Variants in ZDHHC19 observed in about 807,000 individuals in gnomAD.
ZDHHC19 encodes zDHHC palmitoyltransferase 19.
A neutral mutation model predicts 33.9 loss-of-function variants in ZDHHC19; 30 were observed. The ratio of observed to expected loss-of-function variants is 0.88; its 90% CI spans 0.66 to 1.20. ZDHHC19 has a LOEUF of 1.20. ZDHHC19 is among the 50% of genes most tolerant of loss of function. ZDHHC19 has a pLI of 0.00. For synonymous variants in ZDHHC19, 178 were observed against 167.6 expected, an observed-to-expected ratio of 1.06 and a Z score of -0.48; for missense variants, 364 against 401.1, an observed-to-expected ratio of 0.91 and a Z score of 0.79.
chr3:196,198,883 G>A lies in ZDHHC19; in HGVS notation c.688-9C>T. 1 of 1,613,450 alleles carries A rather than the reference G, an allele frequency of 6.2e-7. No individual in the cohort carries two copies. Among genetic ancestry groups the A allele is most frequent in the Non-Finnish European group, 8.5e-7 (1 of 1,179,570 alleles). On this transcript the variant is annotated splice_polypyrimidine_tract_variant and intron_variant, in intron 5 of 7. Coordinates refer to ENST00000296326, the MANE Select transcript of ZDHHC19 (RefSeq NM_001039617.2). Reference sequence around the variant, plus strand: ...CCCTGAAGGTGTCTGCACTGGTCGGGGATGGAAACCGGAAGAGGAGCTCAG... The same window carrying A: ...CCCTGAAGGTGTCTGCACTGGTCGGAGATGGAAACCGGAAGAGGAGCTCAG...
At chr3:196,208,349 T>C (rs1722948757) in intron 4 of ZDHHC19, 39 bp downstream of exon 4, 1 of 1,584,974 alleles carries the variant, frequency 6.3e-7, no homozygotes, top group African/African-American at 1.4e-5. Flanking sequence ...TCCTTGGCTG[T>C]CCCCGCCTCC....
chr3:196,210,505 AG>A, intron 2 of ZDHHC19, 110 bp downstream of exon 2: 1 of 1,390,730 alleles, frequency 7.2e-7, no homozygotes, highest in Non-Finnish European at 9.9e-7. Context: ...CGTGGGGTGA[AG>A]GGGTCCAGAG....
intron 5 of ZDHHC19, among the ~76,000 whole-genome samples, chr3:196,200,502 T>C (rs375716559): frequency 0.023 from 3,488 of 148,582 alleles, 129 homozygotes; most frequent in African/African-American, 0.057. Context: ...TTACAGGTGC[T>C]CGCCACCACG....
At chr3:196,211,073 C>T in intron 1 of ZDHHC19, 97 bp downstream of exon 1, 1 of 1,580,794 alleles carries the variant, frequency 6.3e-7, no homozygotes, top group Admixed American at 1.8e-5. Flanking sequence ...CTGACCTCTC[C>T]CCCGGTCTTC....
chr3:196,210,306 G>GAAAGA (rs1723142996), intron 2 of ZDHHC19, among the ~76,000 whole-genome samples: 3 of 135,624 alleles, frequency 2.2e-5, no homozygotes, highest in African/African-American at 8.8e-5. Flanking sequence ...AGGAAAGAGA[G>GAAAGA]AGGAAGAAAG....
intron 5 of ZDHHC19, among the ~76,000 whole-genome samples, chr3:196,202,089 T>C (rs760716971): frequency 1.1e-4 from 16 of 152,124 alleles, no homozygotes; most frequent in Non-Finnish European, 1.6e-4. Context: ...GAGGCCAAGA[T>C]GGGTGGAGCA....
chr3:196,209,344 G>C, intron 3 of ZDHHC19, 32 bp downstream of exon 3: 1 of 1,570,418 alleles, frequency 6.4e-7, no homozygotes, highest in Non-Finnish European at 8.6e-7. Context: ...GATGTGGGGC[G>C]ATGGCTGGTG....
At position 196,211,186 on chromosome 3, in the gene ZDHHC19, G is replaced by A. The variant is rs994241869; in HGVS notation, c.130C>T (p.Leu44Phe). The A allele has an allele frequency of 1.2e-6, 2 of 1,614,070 alleles. No individual in the cohort carries two copies. The highest frequency in any genetic ancestry group is 2.7e-5 in the African/African-American group (2 of 74,920). Residue 44 changes from leucine (L) to phenylalanine (F), a missense_variant, in exon 1 of 8, where the codon CTC becomes TTC. Physicochemically the swap from Leu to Phe is conservative, Grantham distance 22. Transcript: ENST00000296326. ...NVVLLVFFSG[L>F]FFAFPCRWLA... The stretch of plus-strand genomic sequence containing the variant: ...AAAACTCACGGGAATGCGAAGAAGA[G>A]GCCACTGAAAAAGACCAGCAGCACC...
intron 2 of ZDHHC19, among the ~76,000 whole-genome samples, chr3:196,209,880 C>T (rs912159431): frequency 2.0e-5 from 3 of 152,180 alleles, no homozygotes; most frequent in Non-Finnish European, 4.4e-5. Flanking sequence ...TCTGTTTTTC[C>T]ACACCTTGGT....
rs375505401 is a variant in ZDHHC19, at chr3:196,210,363, G to A, written c.268+253C>T. On this transcript the variant is annotated intron_variant, in intron 2 of 7. Transcript: ENST00000296326. ...AAAGAAAAGAGAAAGAAAGAAAGAA[G>A]GAAGGAAGGAAAGAGAGAGGAAGGA... Among the ~76,000 whole-genome samples, 665 of 48,246 alleles carry A rather than the reference G, an allele frequency of 0.014. 22 individuals carry two copies. In the South Asian group the frequency reaches 0.15, roughly 11 times the overall value. The allele number at this position is 48,246 out of a possible 152,430, so 31.7% of individuals were successfully genotyped here.
chr3:196,200,561 A>C (rs372115549), intron 5 of ZDHHC19, among the ~76,000 whole-genome samples: 2 of 148,646 alleles, frequency 1.3e-5, no homozygotes, highest in South Asian at 2.1e-4. Flanking sequence ...TCACCGTGTT[A>C]GCCAGGATGG....
Position 196,211,151 on chromosome 3 carries a change from GCTT to G in ZDHHC19, c.146+16_146+18del. The G allele has an allele frequency of 6.2e-7, 1 of 1,614,084 alleles. No individual in the cohort carries two copies. Among genetic ancestry groups the G allele is most frequent in the Non-Finnish European group, 8.5e-7 (1 of 1,180,010 alleles). ...CTGTCTCTTTGTGGGAAACCTAACG[GCTT>G]GCCTGGAAAACTCACGGGAATGCGA... On this transcript the variant is annotated intron_variant, in intron 1 of 7. Coordinates refer to ENST00000296326, the MANE Select transcript of ZDHHC19 (RefSeq NM_001039617.2).
At chr3:196,210,346 G>GAAAAGAGAA (rs1553821874) in intron 2 of ZDHHC19, among the ~76,000 whole-genome samples, 4 of 78,034 alleles carry the variant, frequency 5.1e-5, no homozygotes, top group African/African-American at 1.5e-4. Flanking sequence ...AGAAAGAAAA[G>GAAAAGAGAA]AGAAAGAAAG....
At chr3:196,204,010 C>T (rs1036757321) in intron 5 of ZDHHC19, among the ~76,000 whole-genome samples, 3 of 152,144 alleles carry the variant, frequency 2.0e-5, no homozygotes, top group African/African-American at 7.2e-5. Flanking sequence ...CGCGGATGTC[C>T]ACCCTCACCA....
intron 4 of ZDHHC19, 62 bp downstream of exon 4, chr3:196,208,326 C>G: frequency 6.4e-7 from 1 of 1,552,648 alleles, no homozygotes; most frequent in Admixed American, 1.8e-5. Flanking sequence ...TAGCCCCGCC[C>G]TCTGCAGCCC....
In ZDHHC19 at chr3:196,208,394, G is replaced by A. The variant is rs1553820844; in HGVS notation, c.575C>T (p.Ala192Val). ...TCCCCACGTGGGCGGATACGCGATG[G>A]CCTTGTCGGTGGAGAAGGGCAGGTG... ...TTHLPFSTDK[A>V]IAIVVAVSAA... The change falls in exon 4 of 8, where the codon GCC (alanine) becomes GTC (valine). Residue 192 changes from alanine (A) to valine (V), a missense_variant. Coordinates refer to ENST00000296326, the MANE Select transcript of ZDHHC19 (RefSeq NM_001039617.2). 1.2e-6 allele frequency: 2 copies of A among 1,613,986 alleles called. No individual in the cohort carries two copies. The highest frequency in any genetic ancestry group is 2.2e-5 in the South Asian group (2 of 91,076).
chr3:196,198,762 A>G, intron 6 of ZDHHC19, 27 bp downstream of exon 6: 2 of 1,612,960 alleles, frequency 1.2e-6, no homozygotes, highest in Admixed American at 1.7e-5. Flanking sequence ...AGGGTTCACC[A>G]GTTGGGCCTC....
Position 196,198,348 on chromosome 3 carries a change from C to A in ZDHHC19, c.877G>T (p.Ala293Ser). Residue 293 changes from alanine to serine, a missense_variant, in exon 7 of 8, where the codon GCC becomes TCC. Ala to Ser is a moderately conservative substitution (Grantham distance 99). Transcript: ENST00000296326. ...CTTTGTAGGGACCCAGAGGTTGGGG[C>A]TGGGGGGTTGAGAGCAGAGGGGGAC... is the stretch of plus-strand genomic sequence containing the variant. ...PMSPSALNPPAPTSGSLQSRE... is the reference protein window; with the variant it reads ...PMSPSALNPPSPTSGSLQSRE... The A allele has an allele frequency of 6.6e-7, 1 of 1,520,182 alleles. No individual in the cohort carries two copies. Among genetic ancestry groups the A allele is most frequent in the East Asian group, 2.3e-5 (1 of 43,874 alleles). The allele number at this position is 1,520,182 out of a possible 1,614,324, so 94.2% of individuals were successfully genotyped here.
At chr3:196,202,761 C>T (rs112365615) in intron 5 of ZDHHC19, among the ~76,000 whole-genome samples, 9,246 of 152,290 alleles carry the variant, frequency 0.061, 324 homozygotes, top group Middle Eastern at 0.17. Context: ...CTGGTGAGAG[C>T]AGCATCCGTG....
Sources: gnomAD v4.1 joint callset for allele counts (sites outside exome capture counted in the v4.1 genomes callset) on GRCh38, gnomAD v4.1.1 for gene constraint, MANE v1.5 for transcripts, NCBI Gene and HGNC (gene_info 2026-07-23, HGNC 2026-07-21) for gene names.